OR2L13: variants seen among roughly 807,000 people sequenced by gnomAD.
OR2L13 encodes olfactory receptor family 2 subfamily L member 13, also known as olfactory receptor 2L13.
OR2L13 carries 14 observed loss-of-function variants against 15.3 expected under a neutral mutation model. The ratio of observed to expected loss-of-function variants is 0.91; its 90% CI spans 0.60 to 1.43. The LOEUF (loss-of-function observed/expected upper bound fraction) is 1.43, where lower values mean the gene tolerates loss of function less well. OR2L13 is among the 40% of genes most tolerant of loss of function. The pLI is 0.00. For missense variants in OR2L13, 367 were observed against 387.9 expected (o/e 0.95, Z 0.45); for synonymous variants, 152 against 142.9 (o/e 1.06, Z -0.45).
At chr1:248,048,496 C>G in the OR2L13 span, among the ~76,000 whole-genome samples, 1 of 152,100 alleles carries the variant, frequency 6.6e-6, no homozygotes, top group African/African-American at 2.4e-5. Context: ...TGTCTATACT[C>G]CAGAAGACAC....
chr1:248,002,925 T>G, the OR2L13 span, among the ~76,000 whole-genome samples: 3 of 152,122 alleles, frequency 2.0e-5, no homozygotes, highest in Non-Finnish European at 4.4e-5. Context: ...GAAGAAATTG[T>G]ACCAGCTCCA....
the OR2L13 span, among the ~76,000 whole-genome samples, chr1:247,957,824 C>T: frequency 2.6e-5 from 4 of 152,028 alleles, no homozygotes; most frequent in East Asian, 1.9e-4. Flanking sequence ...CTATTTGATT[C>T]TTCTCTGTTT....
chr1:247,965,892 G>A, the OR2L13 span: 1 of 1,613,316 alleles, frequency 6.2e-7, no homozygotes. Context: ...GTAGGTCTCG[G>A]CTCATTAACC....
chr1:248,000,563 A>G, the OR2L13 span, among the ~76,000 whole-genome samples: 4 of 152,164 alleles, frequency 2.6e-5, no homozygotes, highest in Admixed American at 2.0e-4. Context: ...TAGGTTCTTC[A>G]TTTGAAACTT....
the OR2L13 span, among the ~76,000 whole-genome samples, chr1:247,971,593 T>C: frequency 3.9e-5 from 6 of 152,170 alleles, no homozygotes; most frequent in African/African-American, 1.4e-4. Context: ...TATAACTTCT[T>C]GTATAAGGTG....
chr1:247,949,304 C>G, the OR2L13 span: 1 of 1,614,174 alleles, frequency 6.2e-7, no homozygotes, highest in South Asian at 1.1e-5. Flanking sequence ...GGTCTTGGAT[C>G]ATAGGCTCGA....
At chr1:247,974,085 A>G in the OR2L13 span, among the ~76,000 whole-genome samples, 2 of 152,244 alleles carry the variant, frequency 1.3e-5, no homozygotes, top group East Asian at 1.9e-4. Flanking sequence ...ACATCATGGA[A>G]TACTCTGCAG....
At chr1:248,034,332 T>G in the OR2L13 span, among the ~76,000 whole-genome samples, 1 of 152,322 alleles carries the variant, frequency 6.6e-6, no homozygotes, top group Non-Finnish European at 1.5e-5. Context: ...AGAGTCTGCA[T>G]AGCCAAAGCA....
the OR2L13 span, chr1:248,041,089 GC>G: frequency 6.6e-6 from 1 of 152,116 alleles, no homozygotes; most frequent in South Asian, 2.1e-4. Flanking sequence ...GGTAGTAGTT[GC>G]CTGATGTTGA....
chr1:247,963,515 T>C, the OR2L13 span, among the ~76,000 whole-genome samples: 15 of 152,334 alleles, frequency 9.8e-5, no homozygotes, highest in African/African-American at 3.4e-4. Context: ...GCTGAATTCC[T>C]ATCTCAGGAA....
At chr1:247,970,819 A>G in the OR2L13 span, among the ~76,000 whole-genome samples, 1 of 152,286 alleles carries the variant, frequency 6.6e-6, no homozygotes, top group African/African-American at 2.4e-5. Context: ...GAGCTATTTT[A>G]TCAACGTGGT....
the OR2L13 span, among the ~76,000 whole-genome samples, chr1:247,978,149 G>A: frequency 2.0e-5 from 3 of 152,112 alleles, no homozygotes; most frequent in Non-Finnish European, 2.9e-5. Flanking sequence ...CTCAGTCTTC[G>A]GGTCCGCACC....
the OR2L13 span, chr1:247,966,160 C>T: frequency 1.2e-6 from 2 of 1,614,142 alleles, no homozygotes; most frequent in Admixed American, 3.3e-5. Flanking sequence ...CTACACAAGG[C>T]CACACTCCTT....
At chr1:248,017,272 T>C in the OR2L13 span, among the ~76,000 whole-genome samples, 1 of 152,216 alleles carries the variant, frequency 6.6e-6, no homozygotes, top group African/African-American at 2.4e-5. Flanking sequence ...GGATTTATTT[T>C]TACATAAGAA....
At chr1:247,987,105 G>T in the OR2L13 span, among the ~76,000 whole-genome samples, 1 of 151,974 alleles carries the variant, frequency 6.6e-6, no homozygotes, top group South Asian at 2.1e-4. Flanking sequence ...TTTGTTGTTA[G>T]TGTATAGCCA....
At chr1:248,038,376 G>T in the OR2L13 span, 109 of 1,613,152 alleles carry the variant, frequency 6.8e-5, no homozygotes, top group South Asian at 1.1e-3. Flanking sequence ...TTTCCTAATG[G>T]CTCTAATTGG....
chr1:248,081,420 C>T, the OR2L13 span, among the ~76,000 whole-genome samples: 1 of 152,036 alleles, frequency 6.6e-6, no homozygotes, highest in Non-Finnish European at 1.5e-5. Context: ...TAGCTTTCGC[C>T]TGTATATTAG....
the OR2L13 span, among the ~76,000 whole-genome samples, chr1:248,072,484 G>C: frequency 6.6e-6 from 1 of 152,060 alleles, no homozygotes; most frequent in East Asian, 1.9e-4. Flanking sequence ...ATTCAAGATG[G>C]ATTAAAGACT....
At chr1:248,061,604 G>C in the OR2L13 span, 2 of 1,612,008 alleles carry the variant, frequency 1.2e-6, no homozygotes, top group South Asian at 1.1e-5. Context: ...CAGAGAATCT[G>C]CTCTGGGAAA....
Sources: allele counts gnomAD v4.1 joint callset (sites outside exome capture counted in the v4.1 genomes callset), GRCh38; gene constraint gnomAD v4.1.1; transcripts MANE v1.5; gene names NCBI Gene and HGNC (gene_info 2026-07-23, HGNC 2026-07-21).